The following ARHGAP20 variants were observed in gnomAD, a reference collection of about 807,000 sequenced individuals.
ARHGAP20 encodes rho GTPase-activating protein 20.
Under a neutral mutation model 73.7 loss-of-function variants are expected in ARHGAP20, and 34 were observed. The ratio of observed to expected loss-of-function variants is 0.46; its 90% CI spans 0.35 to 0.61. ARHGAP20 has a LOEUF of 0.61. ARHGAP20 is among the 20% of genes least tolerant of loss of function. The pLI is 0.00. For synonymous variants in ARHGAP20, 523 were observed against 518.2 expected (o/e 1.01, Z -0.13); for missense variants, 1,314 against 1,420.9 (o/e 0.92, Z 1.21).
Position 110,580,133 on chromosome 11 carries a change from A to G in ARHGAP20, c.2813T>C (p.Leu938Ser). The G allele has an allele frequency of 6.2e-7, 1 of 1,614,172 alleles. No homozygotes were observed. The change falls in exon 15 of 15, where the codon TTA becomes TCA. Residue 938 changes from leucine to serine, a missense_variant. Coordinates refer to ENST00000683387, the MANE Select transcript of ARHGAP20 (RefSeq NM_001384657.1). ...NLCPRTSYSS[L>S]SSPGTSPSGS... is the part of the protein sequence containing the mutation. ...GGATGGGGAAGTGCCTGGGGAGGAT[A>G]AGCTGGAATAGCTGGTCCTTGGGCA...
In ARHGAP20 at chr11:110,671,100, T is replaced by C. The variant is rs535334757; in HGVS notation, c.188+19447A>G. 3.9e-5 allele frequency among the ~76,000 whole-genome samples: 6 copies of C among 152,160 alleles called. No individual in the cohort carries two copies. The South Asian group carries it at 6.2e-4, about 16-fold the overall frequency. On this transcript the variant is annotated intron_variant, in intron 2 of 14. Coordinates refer to ENST00000683387, the MANE Select transcript of ARHGAP20 (RefSeq NM_001384657.1). ...ACATTGTAAGATGCTAAAAATATAGTACACTGGTTGAGAAATCTGCAAAAA... is the reference window on the plus strand; with the variant it reads ...ACATTGTAAGATGCTAAAAATATAGCACACTGGTTGAGAAATCTGCAAAAA...
intron 9 of ARHGAP20, among the ~76,000 whole-genome samples, chr11:110,600,624 T>C (rs2134858633): frequency 1.3e-5 from 2 of 152,340 alleles, no homozygotes; most frequent in South Asian, 4.1e-4. Flanking sequence ...TGAGCAAATC[T>C]TGGGCAAATA....
chr11:110,611,353 C>T lies in ARHGAP20; in HGVS notation c.664G>A (p.Ala222Thr), dbSNP rs771499340. 11 of 1,565,894 alleles carry T rather than the reference C, an allele frequency of 7.0e-6. No homozygotes were observed. In the South Asian group the frequency reaches 1.1e-4, roughly 15 times the overall value. Residue 222 changes from alanine to threonine, a missense_variant, in exon 7 of 15, where the codon GCG (alanine) becomes ACG (threonine). Physicochemically the swap from Ala to Thr is moderately conservative, Grantham distance 58. This residue lies in a region of ARHGAP20 where 443 missense variants were observed against 466.4 expected (regional missense o/e 0.95). Coordinates refer to ENST00000683387, the MANE Select transcript of ARHGAP20 (RefSeq NM_001384657.1). Reference sequence around the variant, plus strand: ...AATGACATGTTGATAACTTCATTCGCTGTATCTGAATTCATTACTGTTATA... The same window carrying T: ...AATGACATGTTGATAACTTCATTCGTTGTATCTGAATTCATTACTGTTATA... ...KTITVMNSDT[A>T]NEVINMSLPM...
intron 1 of ARHGAP20, 167 bp downstream of exon 1, chr11:110,711,960 C>G (rs1411094417): frequency 1.6e-6 from 2 of 1,251,762 alleles, no homozygotes; most frequent in East Asian, 3.2e-5. Flanking sequence ...TGCCGCTGGC[C>G]GTCAAGGGCG....
intron 2 of ARHGAP20, among the ~76,000 whole-genome samples, chr11:110,645,423 T>A (rs901868725): frequency 6.6e-6 from 1 of 152,126 alleles, no homozygotes; most frequent in African/African-American, 2.4e-5. Context: ...TGAGATACTA[T>A]CTGACAGCAC....
chr11:110,577,735 T>TAAAAG lies in ARHGAP20; in HGVS notation c.*1630_*1634dup. The TAAAAG allele has an allele frequency of 1.0e-6, 1 of 985,920 alleles. No individual in the cohort carries two copies. The highest frequency in any genetic ancestry group is 1.7e-5 in the African/African-American group (1 of 57,360). 61.1% of individuals were successfully genotyped at this position (985,920 alleles called of 1,614,324 possible). On this transcript the variant is annotated 3_prime_UTR_variant, in exon 15 of 15. Transcript: ENST00000683387. Reference sequence around the variant, plus strand: ...AAGTAGCTCTTTGGATACAGAGTTCTAAAAGATCATTGTAATGGTTAGCGC... The same window carrying TAAAAG: ...AAGTAGCTCTTTGGATACAGAGTTCTAAAAGAAAAGATCATTGTAATGGTTAGCGC...
intron 2 of ARHGAP20, among the ~76,000 whole-genome samples, chr11:110,657,498 T>C (rs901059068): frequency 4.6e-5 from 7 of 151,870 alleles, no homozygotes; most frequent in African/African-American, 1.7e-4. Context: ...CCAAGAAAAG[T>C]ATCACAAGGC....
chr11:110,581,687 A>G (rs1947472129), intron 14 of ARHGAP20, among the ~76,000 whole-genome samples: 1 of 152,184 alleles, frequency 6.6e-6, no homozygotes. Context: ...AACAACCATA[A>G]AAGTTAGACA....
intron 3 of ARHGAP20, 61 bp from the exon 4 acceptor site, chr11:110,624,372 C>G (rs1255859487): frequency 1.5e-6 from 2 of 1,377,334 alleles, no homozygotes; most frequent in African/African-American, 1.5e-5. Flanking sequence ...TTTATGGGAG[C>G]TTCTCTGGAA....
intron 4 of ARHGAP20, among the ~76,000 whole-genome samples, chr11:110,623,594 T>C (rs1031114013): frequency 6.6e-6 from 1 of 152,234 alleles, no homozygotes; most frequent in African/African-American, 2.4e-5. Context: ...CAGTATTTCA[T>C]GAAATTAGTT....
In ARHGAP20 at chr11:110,580,464, A is replaced by T; in HGVS notation, c.2482T>A (p.Ser828Thr). 6.2e-7 allele frequency: 1 copy of T among 1,613,416 alleles called. No individual in the cohort carries two copies. ...QPFDVNTSGY[S>T]PPHTADALKG... Reference sequence around the variant, plus strand: ...AGGGCATCTGCTGTGTGTGGTGGGGAGTATCCAGATGTATTCACATCAAAG... The same window carrying T: ...AGGGCATCTGCTGTGTGTGGTGGGGTGTATCCAGATGTATTCACATCAAAG... The change falls in exon 15 of 15, where the codon TCC becomes ACC. Residue 828 changes from serine (S) to threonine (T), a missense_variant. Physicochemically the swap from Ser to Thr is moderately conservative, Grantham distance 58. This residue lies in a region of ARHGAP20 where 641 missense variants were observed against 636.9 expected (regional missense o/e 1.01). Coordinates refer to ENST00000683387, the MANE Select transcript of ARHGAP20 (RefSeq NM_001384657.1).
rs552032955 is a variant in ARHGAP20 at position 110,639,407 on chromosome 11, G to T, written c.189-8615C>A. ...TTTTTTTTTTTTAAACAAAAACAAA[G>T]AACTAGTATAAAAAACACATGTAAA... On this transcript the variant is annotated intron_variant, in intron 2 of 14. Transcript: ENST00000683387. Among the ~76,000 whole-genome samples the T allele has an allele frequency of 2.0e-5, 3 of 150,466 alleles. No homozygotes were observed. The East Asian group carries it at 5.9e-4, about 29-fold the overall frequency.
rs1327784449 is a variant in ARHGAP20, at chr11:110,577,598, A to ATATT, written c.*1768_*1771dup. The ATATT allele has an allele frequency of 1.0e-6, 1 of 986,382 alleles. No homozygotes were observed. The highest frequency in any genetic ancestry group is 1.2e-6 in the Non-Finnish European group (1 of 830,410). 61.1% of individuals were successfully genotyped at this position (986,382 alleles called of 1,614,324 possible). ...AAAGGGGAGTCCCTGCTGACTTTAT[A>ATATT]TATTATACCAAAAAAGATGCATATG... On this transcript the variant is annotated 3_prime_UTR_variant, in exon 15 of 15. Transcript: ENST00000683387.
intron 2 of ARHGAP20, among the ~76,000 whole-genome samples, chr11:110,645,211 T>G (rs766698685): frequency 6.6e-6 from 1 of 152,102 alleles, no homozygotes; most frequent in Non-Finnish European, 1.5e-5. Flanking sequence ...GGTTTCACCA[T>G]GTTGGCCAGG....
chr11:110,604,401 C>A (rs1948176194), intron 9 of ARHGAP20, among the ~76,000 whole-genome samples: 1 of 152,080 alleles, frequency 6.6e-6, no homozygotes, highest in Non-Finnish European at 1.5e-5. Flanking sequence ...AGAAACTAAG[C>A]AGAGGATGCC....
rs188683317 is a variant in ARHGAP20 at position 110,586,329 on chromosome 11, A to C, written c.1306-4T>G. ...CTGGAATATTTCGCAGAAAATCCTT[A>C]AATAGATGGAAAAACAAATATTTCA... is the stretch of plus-strand genomic sequence containing the variant. On this transcript the variant is annotated splice_region_variant and splice_polypyrimidine_tract_variant and intron_variant, in intron 11 of 14. Transcript: ENST00000683387. 163 of 1,488,532 alleles carry C rather than the reference A, an allele frequency of 1.1e-4. No homozygotes were observed. The highest frequency in any genetic ancestry group is 8.6e-4 in the Admixed American group (42 of 48,958). 92.2% of individuals were successfully genotyped at this position (1,488,532 alleles called of 1,614,324 possible). A position where few individuals can be genotyped will look rare whatever the true frequency, so the allele number is the denominator to read the frequency against.
rs77738996 is a variant in ARHGAP20 at position 110,705,326 on chromosome 11, C to T, written c.105+6801G>A. On this transcript the variant is annotated intron_variant, in intron 1 of 14. Coordinates refer to ENST00000683387, the MANE Select transcript of ARHGAP20 (RefSeq NM_001384657.1). ...CATGTTCCACCTTTTGTCCTGCCGCCCTTTCGCCAAATCATAACCTGGGAG... is the reference window on the plus strand; with the variant it reads ...CATGTTCCACCTTTTGTCCTGCCGCTCTTTCGCCAAATCATAACCTGGGAG... Among the ~76,000 whole-genome samples, 15 of 152,226 alleles carry T rather than the reference C, an allele frequency of 9.9e-5. No homozygotes were observed. The East Asian group carries it at 2.9e-3, about 29-fold the overall frequency.
intron 1 of ARHGAP20, among the ~76,000 whole-genome samples, chr11:110,695,309 A>G (rs1328571943): frequency 6.6e-6 from 1 of 151,562 alleles, no homozygotes; most frequent in East Asian, 1.9e-4. Flanking sequence ...TATGACACCA[A>G]AAGTACAAGC....
In ARHGAP20 at chr11:110,643,428, G is replaced by A. The variant is rs986482568; in HGVS notation, c.189-12636C>T. ...TACGACAATCTTTCCTCTTAACACT[G>A]CTTCAGCTGCATCCCAAAGACTCTG... On this transcript the variant is annotated intron_variant, in intron 2 of 14. Transcript: ENST00000683387. Among the ~76,000 whole-genome samples the A allele has an allele frequency of 2.6e-5, 4 of 152,042 alleles. No individual in the cohort carries two copies. The South Asian group carries it at 8.3e-4, about 32-fold the overall frequency.
Sources: gnomAD v4.1 joint callset for allele counts (sites outside exome capture counted in the v4.1 genomes callset) on GRCh38, gnomAD v4.1.1 for gene constraint, gnomAD v4.1.1 regional missense constraint, MANE v1.5 for transcripts, NCBI Gene and HGNC (gene_info 2026-07-23, HGNC 2026-07-21) for gene names.